Variants in PAM observed in about 807,000 individuals in gnomAD.
PAM encodes peptidyl-glycine alpha-amidating monooxygenase.
A neutral mutation model predicts 122.1 loss-of-function variants in PAM; 72 were observed. The ratio of observed to expected loss-of-function variants is 0.59; its 90% CI spans 0.49 to 0.72. The LOEUF (loss-of-function observed/expected upper bound fraction) is 0.72, where lower values mean the gene tolerates loss of function less well. Among genes scored for constraint, PAM ranks in the 30% least tolerant of loss-of-function variants. The pLI is 0.00. For synonymous variants in PAM, 389 were observed against 404.4 expected, an observed-to-expected ratio of 0.96 and a Z score of 0.46; for missense variants, 1,106 against 1,183.7, an observed-to-expected ratio of 0.93 and a Z score of 0.96.
chr5:102,811,852 G>A (rs757600711), intron 1 of PAM, among the ~76,000 whole-genome samples: 1 of 152,182 alleles, frequency 6.6e-6, no homozygotes, highest in Non-Finnish European at 1.5e-5. Context: ...AGAAAGAAAT[G>A]TTTCACCAAC....
intron 22 of PAM, among the ~76,000 whole-genome samples, chr5:103,018,949 C>T (rs1434025134): frequency 6.6e-6 from 1 of 152,174 alleles, no homozygotes. Flanking sequence ...CAAAAGGGTT[C>T]AGGCTCCTAT....
intron 7 of PAM, among the ~76,000 whole-genome samples, chr5:102,938,744 G>A (rs1238487180): frequency 6.6e-6 from 1 of 152,092 alleles, no homozygotes; most frequent in Non-Finnish European, 1.5e-5. Flanking sequence ...ATTAAGAGGA[G>A]AAATAAAGTC....
chr5:102,939,655 T>C (rs962506644), intron 7 of PAM, among the ~76,000 whole-genome samples: 4 of 152,152 alleles, frequency 2.6e-5, no homozygotes, highest in Admixed American at 2.6e-4. Flanking sequence ...ATCCTCATAC[T>C]ACATTACTAC....
At chr5:102,826,483 T>C (rs1031536374) in intron 1 of PAM, among the ~76,000 whole-genome samples, 1 of 152,218 alleles carries the variant, frequency 6.6e-6, no homozygotes, top group Non-Finnish European at 1.5e-5. Context: ...TATGACTTTG[T>C]AGACATACGG....
chr5:102,949,161 A>C (rs889594266), intron 9 of PAM, among the ~76,000 whole-genome samples: 3 of 152,076 alleles, frequency 2.0e-5, no homozygotes, highest in African/African-American at 7.2e-5. Context: ...CTGTCAATGT[A>C]GTGATGTTAG....
intron 1 of PAM, among the ~76,000 whole-genome samples, chr5:102,825,090 GCTCC>G (rs2150360124): frequency 6.6e-6 from 1 of 152,258 alleles, no homozygotes; most frequent in South Asian, 2.1e-4. Context: ...ACCTTTGTAG[GCTCC>G]TGACCTGTAA....
intron 4 of PAM, among the ~76,000 whole-genome samples, chr5:102,910,057 A>G (rs1003099587): frequency 6.6e-6 from 1 of 151,854 alleles, no homozygotes; most frequent in African/African-American, 2.4e-5. Flanking sequence ...CTACTTGGTT[A>G]TGTGTGTTCT....
chr5:102,810,689 G>A (rs569246584), intron 1 of PAM, among the ~76,000 whole-genome samples: 1 of 152,100 alleles, frequency 6.6e-6, no homozygotes, highest in Admixed American at 6.5e-5. Context: ...TTAGTCAGGC[G>A]TGGTGGCGCA....
At chr5:102,778,741 A>G (rs565455090) in intron 1 of PAM, among the ~76,000 whole-genome samples, 3 of 152,166 alleles carry the variant, frequency 2.0e-5, no homozygotes. Context: ...TAGACAAGCA[A>G]CCAAATGAAC....
At chr5:102,816,967 C>T (rs961790461) in intron 1 of PAM, among the ~76,000 whole-genome samples, 2 of 152,060 alleles carry the variant, frequency 1.3e-5, no homozygotes, top group South Asian at 2.1e-4. Flanking sequence ...TTTCCCTCTA[C>T]CAAACTTGCT....
intron 1 of PAM, among the ~76,000 whole-genome samples, chr5:102,858,006 G>A (rs1167034179): frequency 6.6e-6 from 1 of 152,144 alleles, no homozygotes; most frequent in Non-Finnish European, 1.5e-5. Flanking sequence ...ACCAGAACAA[G>A]TTAATTTTTC....
intron 4 of PAM, among the ~76,000 whole-genome samples, chr5:102,905,009 A>T (rs1460382751): frequency 2.0e-5 from 3 of 151,678 alleles, no homozygotes; most frequent in Non-Finnish European, 3.0e-5. Flanking sequence ...TGTGAATTAC[A>T]GTAGGTGTTT....
At chr5:102,849,727 A>G (rs528469634) in intron 1 of PAM, among the ~76,000 whole-genome samples, 18 of 152,304 alleles carry the variant, frequency 1.2e-4, no homozygotes, top group African/African-American at 4.3e-4. Context: ...ATGTGATAGG[A>G]GACTTAAATC....
At chr5:103,020,096 T>G (rs1783151484) in intron 23 of PAM, among the ~76,000 whole-genome samples, 1 of 152,068 alleles carries the variant, frequency 6.6e-6, no homozygotes, top group Non-Finnish European at 1.5e-5. Flanking sequence ...TACAAAAACT[T>G]TGTAACTAGT....
Position 102,947,949 on chromosome 5 carries a change from G to A in PAM, c.576-429G>A, listed in dbSNP as rs111899488. Among the ~76,000 whole-genome samples the A allele has an allele frequency of 1.5e-3, 234 of 152,280 alleles. 2 individuals are homozygous for A. The highest frequency in any genetic ancestry group is 5.2e-3 in the African/African-American group (217 of 41,578). ...GGAAGGGTTGATGTTGCATTCTTGAGTCCAAAGGCAATTCACAGGCAGAAT... is the reference window on the plus strand; with the variant it reads ...GGAAGGGTTGATGTTGCATTCTTGAATCCAAAGGCAATTCACAGGCAGAAT... On this transcript the variant is annotated intron_variant, in intron 8 of 25. Coordinates refer to ENST00000438793, the MANE Select transcript of PAM (RefSeq NM_001177306.2).
chr5:103,020,012 C>CT (rs3215069), intron 23 of PAM, among the ~76,000 whole-genome samples, 169 bp downstream of exon 23: 9 of 150,962 alleles, frequency 6.0e-5, no homozygotes, highest in African/African-American at 9.7e-5. Context: ...TGCCACTTCC[C>CT]TTTTTTTTTG....
intron 4 of PAM, among the ~76,000 whole-genome samples, chr5:102,913,490 T>C (rs1802090986): frequency 6.6e-6 from 1 of 152,018 alleles, no homozygotes; most frequent in Admixed American, 6.6e-5. Flanking sequence ...AAGATGGTCA[T>C]AAATTTGTGT....
Position 102,974,160 on chromosome 5 carries a change from G to A in PAM, c.1207G>A (p.Asp403Asn), listed in dbSNP as rs768032260. The A allele has an allele frequency of 6.2e-7, 1 of 1,613,872 alleles. No homozygotes were observed. The highest frequency in any genetic ancestry group is 1.1e-5 in the South Asian group (1 of 91,070). Residue 403 changes from aspartate (D) to asparagine (N), a missense_variant, in exon 15 of 26, where the codon GAT becomes AAT. Physicochemically the swap from Asp to Asn is conservative, Grantham distance 23 (BLOSUM62 1). This residue lies in a region of PAM where 670 missense variants were observed against 690.3 expected (regional missense o/e 0.97). Coordinates refer to ENST00000438793, the MANE Select transcript of PAM (RefSeq NM_001177306.2). ...LLSKLLGERE[D>N]VVHVHKYNPT... ...TTCCAAGCTGCTAGGAGAAAGGGAAGATGTTGTTCATGTGCACAAATATAA... is the reference window on the plus strand; with the variant it reads ...TTCCAAGCTGCTAGGAGAAAGGGAAAATGTTGTTCATGTGCACAAATATAA...
chr5:102,864,182 ATAT>A (rs1366657320), intron 1 of PAM, among the ~76,000 whole-genome samples: 263 of 137,596 alleles, frequency 1.9e-3, no homozygotes, highest in African/African-American at 7.2e-3. Flanking sequence ...ATATATATAT[ATAT>A]TTTTTTTTTT....
Sources: allele counts gnomAD v4.1 joint callset (sites outside exome capture counted in the v4.1 genomes callset), GRCh38; gene constraint gnomAD v4.1.1; regional missense constraint gnomAD v4.1.1; transcripts MANE v1.5; gene names NCBI Gene and HGNC (gene_info 2026-07-23, HGNC 2026-07-21).